The following NCALD variants were observed in gnomAD, a reference collection of about 807,000 sequenced individuals.
NCALD encodes the protein neurocalcin-delta.
A neutral mutation model predicts 18.6 loss-of-function variants in NCALD; 10 were observed. The observed-to-expected ratio is 0.54, with a 90% CI of 0.33 to 0.91. The LOEUF is 0.91. Ranked by LOEUF, NCALD falls within the 40% of genes least tolerant of loss-of-function variation. The probability of loss-of-function intolerance (pLI) is 0.03; values close to 1 mark genes in which losing one functional copy is unlikely to be tolerated. For synonymous variants in NCALD, 88 were observed against 87.4 expected, an observed-to-expected ratio of 1.01 and a Z score of -0.04; for missense variants, 184 against 247.6, an observed-to-expected ratio of 0.74 and a Z score of 1.72.
Position 101,688,672 on chromosome 8 carries a change from C to T in NCALD, c.*637G>A. On this transcript the variant is annotated 3_prime_UTR_variant, in exon 4 of 4. Transcript: ENST00000220931. ...ATTTCCAAAGACACGCATATTAGCT[C>T]AACTAGTGTAAACCTGTGAAAAAAT... 2.1e-6 allele frequency: 1 copy of T among 466,294 alleles called. No homozygotes were observed. Among genetic ancestry groups the T allele is most frequent in the Non-Finnish European group, 4.3e-6 (1 of 233,684 alleles). The allele number at this position is 466,294 out of a possible 1,614,324, so 28.9% of individuals were successfully genotyped here.
At chr8:101,812,486 A>G (rs181683289) in intron 4 of NCALD, among the ~76,000 whole-genome samples, 207 of 152,312 alleles carry the variant, frequency 1.4e-3, no homozygotes, top group African/African-American at 4.9e-3. Context: ...AAAAATTTCC[A>G]GAACATCAAG....
chr8:101,945,220 A>G (rs546142574), intron 2 of NCALD, among the ~76,000 whole-genome samples: 14 of 152,272 alleles, frequency 9.2e-5, no homozygotes, highest in African/African-American at 3.4e-4. Flanking sequence ...CACTTTTCCA[A>G]CAAGCATTTA....
At chr8:101,970,559 A>G (rs901473646) in intron 2 of NCALD, among the ~76,000 whole-genome samples, 2 of 152,256 alleles carry the variant, frequency 1.3e-5, no homozygotes, top group Admixed American at 1.3e-4. Context: ...CTAGCAGTAT[A>G]TTACTCTACA....
intron 2 of NCALD, chr8:101,986,735 C>G (rs1206240901): frequency 6.6e-6 from 1 of 152,210 alleles, no homozygotes; most frequent in Non-Finnish European, 1.5e-5. Flanking sequence ...AGCTTATATA[C>G]TGAATTAATG....
intron 2 of NCALD, among the ~76,000 whole-genome samples, chr8:101,714,387 T>C (rs1221802342): frequency 1.3e-5 from 2 of 152,022 alleles, no homozygotes; most frequent in Non-Finnish European, 2.9e-5. Flanking sequence ...AAACTCCCAC[T>C]CACAATTGCT....
At chr8:101,697,406 A>C (rs999056113) in intron 2 of NCALD, among the ~76,000 whole-genome samples, 1 of 152,240 alleles carries the variant, frequency 6.6e-6, no homozygotes, top group Non-Finnish European at 1.5e-5. Context: ...AACTATCCCA[A>C]ACAATTGAAA....
At chr8:102,023,310 G>A (rs578151561) in intron 1 of NCALD, among the ~76,000 whole-genome samples, 90 of 151,850 alleles carry the variant, frequency 5.9e-4, no homozygotes, top group African/African-American at 1.5e-3. Flanking sequence ...ATACTGTGCC[G>A]TGAAAGCACT....
chr8:102,118,311 T>A (rs193118541), intron 1 of NCALD, among the ~76,000 whole-genome samples: 31 of 152,322 alleles, frequency 2.0e-4, no homozygotes, highest in Non-Finnish European at 3.8e-4. Flanking sequence ...TCTCACCTCA[T>A]GCTGTCAGGG....
intron 2 of NCALD, among the ~76,000 whole-genome samples, chr8:101,940,066 GTTC>G (rs1563916721): frequency 6.6e-6 from 1 of 152,118 alleles, no homozygotes; most frequent in East Asian, 1.9e-4. Flanking sequence ...TATCATGTAT[GTTC>G]TTTTCAAGGT....
chr8:101,728,302 GA>G, intron 1 of NCALD, among the ~76,000 whole-genome samples: 1 of 151,688 alleles, frequency 6.6e-6, no homozygotes, highest in Middle Eastern at 3.2e-3. Context: ...ATAAGGTTCT[GA>G]AAGCTCCATG....
intron 4 of NCALD, among the ~76,000 whole-genome samples, chr8:101,827,549 G>A (rs913920128): frequency 2.0e-5 from 3 of 152,262 alleles, no homozygotes; most frequent in Admixed American, 2.0e-4. Context: ...ACTTCTCAAA[G>A]ATATAGATAG....
intron 1 of NCALD, among the ~76,000 whole-genome samples, chr8:101,771,264 T>C (rs1342507453): frequency 6.6e-6 from 1 of 152,158 alleles, no homozygotes; most frequent in East Asian, 1.9e-4. Flanking sequence ...GCTAGCATCA[T>C]GGTACCTCCA....
At chr8:101,843,931 TAAAA>T (rs537200087) in intron 4 of NCALD, among the ~76,000 whole-genome samples, 2 of 150,644 alleles carry the variant, frequency 1.3e-5, no homozygotes, top group African/African-American at 5.0e-5. Context: ...TATTAAAACA[TAAAA>T]TAAAGTACAG....
intron 1 of NCALD, among the ~76,000 whole-genome samples, chr8:102,078,560 C>A (rs942902879): frequency 6.6e-5 from 10 of 152,326 alleles, no homozygotes; most frequent in African/African-American, 1.9e-4. Context: ...CACTACTCAC[C>A]CCTAATTCAT....
chr8:102,003,836 T>C (rs2132036869), intron 2 of NCALD, among the ~76,000 whole-genome samples: 1 of 152,308 alleles, frequency 6.6e-6, no homozygotes, highest in East Asian at 1.9e-4. Context: ...CAACCCTTCA[T>C]GCTAAAACCT....
intron 3 of NCALD, among the ~76,000 whole-genome samples, chr8:101,902,180 T>C (rs1387290561): frequency 6.6e-6 from 1 of 152,166 alleles, no homozygotes; most frequent in Non-Finnish European, 1.5e-5. Context: ...ATTTGATCTA[T>C]TGCTAAGATA....
At chr8:102,103,287 C>G (rs143334916) in intron 1 of NCALD, among the ~76,000 whole-genome samples, 1 of 152,134 alleles carries the variant, frequency 6.6e-6, no homozygotes, top group African/African-American at 2.4e-5. Flanking sequence ...AAGTTAACAC[C>G]TAGTGAGTGT....
At chr8:101,965,271 T>A (rs917873534) in intron 2 of NCALD, among the ~76,000 whole-genome samples, 1 of 152,082 alleles carries the variant, frequency 6.6e-6, no homozygotes, top group South Asian at 2.1e-4. Context: ...TGGGTATATA[T>A]CCAAAGGATT....
intron 4 of NCALD, among the ~76,000 whole-genome samples, chr8:101,841,868 C>G (rs1351225377): frequency 6.6e-6 from 1 of 152,072 alleles, no homozygotes; most frequent in Non-Finnish European, 1.5e-5. Context: ...TAGGCTACCC[C>G]TTGGAGATAT....
Sources: allele counts gnomAD v4.1 joint callset (sites outside exome capture counted in the v4.1 genomes callset), GRCh38; gene constraint gnomAD v4.1.1; transcripts MANE v1.5; gene names NCBI Gene and HGNC (gene_info 2026-07-23, HGNC 2026-07-21).